Variants in ABCB7 observed in about 807,000 individuals in gnomAD.
ABCB7 encodes the protein iron-sulfur clusters transporter ABCB7, mitochondrial.
A neutral mutation model predicts 54.4 loss-of-function variants in ABCB7; 7 were observed. The observed-to-expected ratio is 0.13, with a 90% CI of 0.07 to 0.24. The LOEUF (loss-of-function observed/expected upper bound fraction) is 0.24, where lower values mean the gene tolerates loss of function less well. Among genes scored for constraint, ABCB7 ranks in the 10% least tolerant of loss-of-function variants. The pLI is 1.00. For synonymous variants in ABCB7, 218 were observed against 207.1 expected (o/e 1.05, Z -0.45); for missense variants, 356 against 570.4 (o/e 0.62, Z 3.83).
At chrX:75,091,829 TAAC>T (rs1324596136) in intron 4 of ABCB7, among the ~76,000 whole-genome samples, 1 of 111,202 alleles carries the variant, frequency 9.0e-6, no homozygotes, top group Non-Finnish European at 1.9e-5. Flanking sequence ...CCATTTAAAT[TAAC>T]AACAAAAAAT....
intron 1 of ABCB7, among the ~76,000 whole-genome samples, chrX:75,132,591 G>A (rs1368954228): frequency 8.9e-6 from 1 of 112,332 alleles, no homozygotes; most frequent in African/African-American, 3.2e-5. Context: ...TGGGAGAGGA[G>A]CCCACACTCT....
intron 9 of ABCB7, 116 bp downstream of exon 9, chrX:75,071,393 G>A (rs2081362470): frequency 3.6e-6 from 3 of 839,347 alleles, no homozygotes; most frequent in Non-Finnish European, 5.3e-6. Context: ...GTACTCCAAG[G>A]ATGTGAAAGC....
intron 1 of ABCB7, among the ~76,000 whole-genome samples, chrX:75,153,773 T>TATATATATATATATATATATATATAA (rs1315348493): frequency 1.1e-5 from 1 of 91,330 alleles, no homozygotes; most frequent in African/African-American, 3.7e-5. Context: ...TATATATATA[T>TATATATATATATATATATATATATAA]AAAATATATA....
At chrX:75,129,221 A>G (rs1465901296) in intron 1 of ABCB7, among the ~76,000 whole-genome samples, 2 of 112,026 alleles carry the variant, frequency 1.8e-5, no homozygotes, top group Admixed American at 1.9e-4. Context: ...GATACACTGG[A>G]TAAACAAAAT....
At position 75,052,756 on chromosome X, in the gene ABCB7, T is replaced by G. The variant is rs1488792678; in HGVS notation, c.*614A>C. On this transcript the variant is annotated 3_prime_UTR_variant, in exon 16 of 16. Coordinates refer to ENST00000373394, the MANE Select transcript of ABCB7 (RefSeq NM_001271696.3). ...ATGTGCCACTGAACTCCAGCCTGGGTGACAGAATGAGAATCTGTCTCAAAA... is the reference window on the plus strand; with the variant it reads ...ATGTGCCACTGAACTCCAGCCTGGGGGACAGAATGAGAATCTGTCTCAAAA... 1.9e-5 allele frequency: 2 copies of G among 104,827 alleles called. No homozygotes were observed. Among genetic ancestry groups the G allele is most frequent in the African/African-American group, 7.2e-5 (2 of 27,921 alleles). The allele number at this position is 104,827 out of a possible 1,213,427, so 8.6% of individuals were successfully genotyped here.
chrX:75,076,161 T>A (rs1341367929), intron 5 of ABCB7, among the ~76,000 whole-genome samples: 1 of 112,201 alleles, frequency 8.9e-6, no homozygotes, highest in Non-Finnish European at 1.9e-5. Flanking sequence ...TATGTACATA[T>A]ATATTTTTAT....
intron 1 of ABCB7, among the ~76,000 whole-genome samples, chrX:75,139,356 T>G (rs1439863702): frequency 3.6e-5 from 4 of 112,062 alleles, no homozygotes; most frequent in African/African-American, 1.3e-4. Flanking sequence ...AAACACACTT[T>G]GCACATTTGC....
chrX:75,104,054 T>TGTTTTTTTG (rs1569233184), intron 3 of ABCB7, among the ~76,000 whole-genome samples: 1 of 51,429 alleles, frequency 1.9e-5, no homozygotes, highest in African/African-American at 8.0e-5. Flanking sequence ...ACAGTTTTTT[T>TGTTTTTTTG]TTTTTTTTTT....
intron 1 of ABCB7, among the ~76,000 whole-genome samples, chrX:75,122,327 G>A (rs182207630): frequency 3.0e-3 from 332 of 111,019 alleles, no homozygotes; most frequent in African/African-American, 9.8e-3. Flanking sequence ...TGGCAACATC[G>A]GGAAGTTACC....
At chrX:75,137,304 A>C (rs1377969035) in intron 1 of ABCB7, among the ~76,000 whole-genome samples, 1 of 112,486 alleles carries the variant, frequency 8.9e-6, no homozygotes, top group African/African-American at 3.2e-5. Flanking sequence ...ATCATTAGAG[A>C]AATGCAAATC....
At position 75,069,049 on chromosome X, in the gene ABCB7, C is replaced by G; in HGVS notation, c.1617G>C (p.Val539=). 1 of 1,210,658 alleles carries G rather than the reference C, an allele frequency of 8.3e-7. No individual in the cohort carries two copies. Among genetic ancestry groups the G allele is most frequent in the African/African-American group, 1.7e-5 (1 of 57,736 alleles). Residue 539 remains valine (V), a synonymous_variant, in exon 12 of 16, where the codon GTG becomes GTC. Transcript: ENST00000373394. The stretch of plus-strand genomic sequence containing the variant: ...CTGCCCTCCGAAGGCTTTCCAGGCT[C>G]ACATCTTGTATATTTTGACCAGCAA... ...IYLAGQNIQD[V]SLESLRRAVG...
chrX:75,146,199 G>A (rs933539723), intron 1 of ABCB7, among the ~76,000 whole-genome samples: 1 of 111,596 alleles, frequency 9.0e-6, no homozygotes, highest in Non-Finnish European at 1.9e-5. Context: ...TCATGCTCAT[G>A]GATAGGAAGA....
chrX:75,102,569 A>G (rs2081648936), intron 3 of ABCB7, among the ~76,000 whole-genome samples: 1 of 111,981 alleles, frequency 8.9e-6, no homozygotes, highest in African/African-American at 3.2e-5. Context: ...ATGGACACTT[A>G]GATTGATTCC....
At chrX:75,154,476 C>T (rs1430302278) in intron 1 of ABCB7, among the ~76,000 whole-genome samples, 1 of 112,033 alleles carries the variant, frequency 8.9e-6, no homozygotes, top group African/African-American at 3.3e-5. Context: ...GTGTTAGAAA[C>T]TTTCAACCAT....
At chrX:75,133,953 C>T (rs765575307) in intron 1 of ABCB7, among the ~76,000 whole-genome samples, 3 of 111,859 alleles carry the variant, frequency 2.7e-5, no homozygotes, top group South Asian at 3.7e-4. Flanking sequence ...GCTAACAACA[C>T]GATGACAGGA....
chrX:75,115,410 C>CTTTTTTTTTTTTTTTTTTTT (rs747398607), intron 1 of ABCB7, among the ~76,000 whole-genome samples: 5 of 30,179 alleles, frequency 1.7e-4, no homozygotes, highest in African/African-American at 5.4e-4. Flanking sequence ...TGTCTCTTTT[C>CTTTTTTTTTTTTTTTTTTTT]TTTTTTTTTT....
chrX:75,155,574 G>A (rs1309696119), intron 1 of ABCB7, among the ~76,000 whole-genome samples: 1 of 111,318 alleles, frequency 9.0e-6, no homozygotes, highest in African/African-American at 3.3e-5. Flanking sequence ...AATTTAGGGC[G>A]GTCTATGTTT....
intron 3 of ABCB7, among the ~76,000 whole-genome samples, chrX:75,108,597 C>T (rs1167474052): frequency 9.6e-6 from 1 of 104,193 alleles, no homozygotes; most frequent in Admixed American, 1.0e-4. Context: ...AAAAAAAAAC[C>T]ACAATGGTAA....
chrX:75,139,406 T>C (rs1309443394), intron 1 of ABCB7, among the ~76,000 whole-genome samples: 1 of 111,876 alleles, frequency 8.9e-6, no homozygotes, highest in Non-Finnish European at 1.9e-5. Flanking sequence ...TCTCCCTTCT[T>C]CTTTCTCTAA....
Sources: gnomAD v4.1 joint callset for allele counts (sites outside exome capture counted in the v4.1 genomes callset) on GRCh38, gnomAD v4.1.1 for gene constraint, MANE v1.5 for transcripts, NCBI Gene and HGNC (gene_info 2026-07-23, HGNC 2026-07-21) for gene names.